Variants in C12orf42 observed in about 807,000 individuals in gnomAD.
C12orf42 encodes the protein chromosome 12 open reading frame 42.
A neutral mutation model predicts 21.6 loss-of-function variants in C12orf42; 25 were observed. That is an observed-to-expected ratio of 1.16 (90% CI 0.84 to 1.62). The LOEUF (loss-of-function observed/expected upper bound fraction) is 1.62, where lower values mean the gene tolerates loss of function less well. Ranked by LOEUF, C12orf42 falls within the 40% of genes most tolerant of loss-of-function variation. The probability of loss-of-function intolerance (pLI) is 0.00; values close to 1 mark genes in which losing one functional copy is unlikely to be tolerated. For synonymous variants in C12orf42, 174 were observed against 175.0 expected, an observed-to-expected ratio of 0.99 and a Z score of 0.05; for missense variants, 483 against 459.3, an observed-to-expected ratio of 1.05 and a Z score of -0.47.
the C12orf42 span, among the ~76,000 whole-genome samples, chr12:103,529,680 A>G: frequency 6.6e-6 from 1 of 152,192 alleles, no homozygotes; most frequent in Non-Finnish European, 1.5e-5. Context: ...TCTGCTCTTC[A>G]GAAACCTGGC....
intron 4 of C12orf42, among the ~76,000 whole-genome samples, chr12:103,329,386 G>A (rs1028150722): frequency 6.6e-6 from 1 of 152,076 alleles, no homozygotes; most frequent in Admixed American, 6.6e-5. Flanking sequence ...GTCGGTGGGT[G>A]GAGAGCAAGG....
the C12orf42 span, among the ~76,000 whole-genome samples, chr12:103,502,655 G>A: frequency 1.3e-3 from 193 of 152,196 alleles, no homozygotes; most frequent in East Asian, 5.8e-3. Flanking sequence ...AGCCCTGCCC[G>A]CTGCCAGCCT....
intron 3 of C12orf42, among the ~76,000 whole-genome samples, chr12:103,384,934 G>A (rs985170531): frequency 6.6e-6 from 1 of 152,182 alleles, no homozygotes; most frequent in Non-Finnish European, 1.5e-5. Context: ...AGCAAATCAT[G>A]CAAATCATGG....
At chr12:103,404,118 T>C (rs1593845000) in intron 2 of C12orf42, among the ~76,000 whole-genome samples, 1 of 152,290 alleles carries the variant, frequency 6.6e-6, no homozygotes, top group East Asian at 1.9e-4. Context: ...ATTATCTTGG[T>C]TTTTAAATTT....
chr12:103,323,200 T>A (rs2040355481), intron 4 of C12orf42, among the ~76,000 whole-genome samples: 1 of 152,208 alleles, frequency 6.6e-6, no homozygotes, highest in South Asian at 2.1e-4. Context: ...TTTCCTGCTG[T>A]ATGACTCCTA....
chr12:103,143,253 G>A, the C12orf42 span, among the ~76,000 whole-genome samples: 1 of 152,218 alleles, frequency 6.6e-6, no homozygotes, highest in African/African-American at 2.4e-5. Flanking sequence ...CATGAAAGGA[G>A]GCGTTGGGAG....
chr12:103,507,296 C>T, the C12orf42 span, among the ~76,000 whole-genome samples: 10 of 83,250 alleles, frequency 1.2e-4, no homozygotes, highest in Middle Eastern at 9.3e-3. Context: ...TTTTTAACTG[C>T]GTTATGCATT....
the C12orf42 span, among the ~76,000 whole-genome samples, chr12:103,511,547 T>A: frequency 6.6e-6 from 1 of 151,946 alleles, no homozygotes; most frequent in African/African-American, 2.4e-5. Context: ...AGTGGCCTAT[T>A]CCACTGCTCA....
At chr12:103,266,995 G>A (rs2035202366), downstream of C12orf42, among the ~76,000 whole-genome samples, 1 of 152,142 alleles carries the variant, frequency 6.6e-6, no homozygotes. Context: ...GTGCTAATTA[G>A]GCACAGCTTC....
At chr12:103,136,025 A>G in the C12orf42 span, among the ~76,000 whole-genome samples, 4 of 151,780 alleles carry the variant, frequency 2.6e-5, no homozygotes, top group Non-Finnish European at 4.4e-5. Context: ...CTTATTTGAC[A>G]TAGTATTAGA....
At chr12:103,398,758 A>G (rs1282721976) in intron 3 of C12orf42, among the ~76,000 whole-genome samples, 1 of 152,012 alleles carries the variant, frequency 6.6e-6, no homozygotes, top group Non-Finnish European at 1.5e-5. Context: ...TCCTTTCCCC[A>G]TCAGTATCTA....
the C12orf42 span, among the ~76,000 whole-genome samples, chr12:103,517,442 G>C: frequency 6.6e-6 from 1 of 152,324 alleles, no homozygotes; most frequent in Admixed American, 6.5e-5. Flanking sequence ...AAATAGTAAA[G>C]GCCTTTGAAA....
chr12:103,106,234 A>G, the C12orf42 span, among the ~76,000 whole-genome samples: 1 of 152,146 alleles, frequency 6.6e-6, no homozygotes, highest in Non-Finnish European at 1.5e-5. Flanking sequence ...AATGTGAGTA[A>G]ATAAAGACAT....
At chr12:103,292,664 G>A (rs530596466) in intron 4 of C12orf42, among the ~76,000 whole-genome samples, 2 of 152,084 alleles carry the variant, frequency 1.3e-5, no homozygotes, top group Admixed American at 1.3e-4. Context: ...ATTATGTATA[G>A]CTTTGAAAAT....
At chr12:103,154,756 A>G in the C12orf42 span, among the ~76,000 whole-genome samples, 1 of 152,204 alleles carries the variant, frequency 6.6e-6, no homozygotes, top group African/African-American at 2.4e-5. Context: ...GTTTTTTTCC[A>G]TAAGACAGAA....
chr12:103,433,147 G>A (rs765202353), intron 2 of C12orf42, among the ~76,000 whole-genome samples: 5 of 152,114 alleles, frequency 3.3e-5, no homozygotes, highest in East Asian at 1.9e-4. Context: ...GGTTGTGTCC[G>A]AGCACCTAGC....
chr12:103,484,708 G>T (rs1394067112), intron 1 of C12orf42, among the ~76,000 whole-genome samples: 1 of 151,988 alleles, frequency 6.6e-6, no homozygotes, highest in Non-Finnish European at 1.5e-5. Context: ...ATTGCTTTTG[G>T]TGTTTTAGTC....
intron 4 of C12orf42, among the ~76,000 whole-genome samples, chr12:103,286,939 CA>C (rs34697864): frequency 9.2e-4 from 123 of 134,154 alleles, no homozygotes; most frequent in Non-Finnish European, 1.0e-3. Context: ...GACTCCGTCT[CA>C]AAAAAAAAAA....
the C12orf42 span, among the ~76,000 whole-genome samples, chr12:103,541,953 A>G: frequency 6.6e-6 from 1 of 152,230 alleles, no homozygotes; most frequent in Non-Finnish European, 1.5e-5. Context: ...CCAGTCAGGC[A>G]TGGCCCATTC....
Sources: gnomAD v4.1 joint callset for allele counts (sites outside exome capture counted in the v4.1 genomes callset) on GRCh38, gnomAD v4.1.1 for gene constraint, MANE v1.5 for transcripts, NCBI Gene and HGNC (gene_info 2026-07-23, HGNC 2026-07-21) for gene names.